The following WRAP73 variants were observed in gnomAD, a reference collection of about 807,000 sequenced individuals.
The protein encoded by WRAP73 is WD repeat containing, antisense to TP73, also known as WD repeat-containing protein WRAP73.
A neutral mutation model predicts 59.6 loss-of-function variants in WRAP73; 55 were observed. The observed-to-expected ratio is 0.92, with a 90% confidence interval of 0.74 to 1.15. The LOEUF is 1.15. WRAP73 is among the 50% of genes most tolerant of loss of function. WRAP73 has a pLI of 0.00. For missense variants in WRAP73, 592 were observed against 608.1 expected (o/e 0.97, Z 0.28); for synonymous variants, 265 against 258.2 (o/e 1.03, Z -0.25).
At chr1:3,638,123 C>T (rs1039844758) in intron 4 of WRAP73, among the ~76,000 whole-genome samples, 1 of 152,228 alleles carries the variant, frequency 6.6e-6, no homozygotes, top group Non-Finnish European at 1.5e-5. Flanking sequence ...AAGCATCATT[C>T]CAACTGTGTA....
chr1:3,630,826 C>T lies in WRAP73; in HGVS notation c.*149G>A. Reference sequence around the variant, plus strand: ...AATAAAACTACAGTTTTATACCATACATATTTACAAAAATGCTTTGCTATA... The same window carrying T: ...AATAAAACTACAGTTTTATACCATATATATTTACAAAAATGCTTTGCTATA... On this transcript the variant is annotated 3_prime_UTR_variant, in exon 12 of 12. Transcript: ENST00000270708. 1 of 971,820 alleles carries T rather than the reference C, an allele frequency of 1.0e-6. No individual in the cohort carries two copies. Among genetic ancestry groups the T allele is most frequent in the Non-Finnish European group, 1.5e-6 (1 of 657,184 alleles). The allele number at this position is 971,820 out of a possible 1,614,324, so 60.2% of individuals were successfully genotyped here. A position where few individuals can be genotyped will look rare whatever the true frequency, so the allele number is the denominator to read the frequency against.
At chr1:3,633,613 A>G (rs946924108) in intron 8 of WRAP73, 110 bp from the exon 9 acceptor site, 1 of 835,592 alleles carries the variant, frequency 1.2e-6, no homozygotes, top group Non-Finnish European at 1.8e-6. Flanking sequence ...GCCTGCCATG[A>G]CAGCTGGTCC....
At chr1:3,645,417 C>A (rs12043954) in intron 3 of WRAP73, among the ~76,000 whole-genome samples, 51 of 121,252 alleles carry the variant, frequency 4.2e-4, no homozygotes, top group African/African-American at 1.3e-3. Context: ...CCGTGGTGTG[C>A]GCGGCGCAGC....
chr1:3,634,655 C>T (rs947902057), intron 8 of WRAP73: 9 of 334,924 alleles, frequency 2.7e-5, no homozygotes, highest in Non-Finnish European at 4.6e-5. Context: ...GTGCCTGGCA[C>T]GACAGCAGAT....
At chr1:3,634,713 G>A (rs1644573066) in intron 8 of WRAP73, 1 of 463,784 alleles carries the variant, frequency 2.2e-6, no homozygotes, top group Admixed American at 3.4e-5. Flanking sequence ...TACAGCACAG[G>A]GATCTGCATC....
rs759992513 is a variant in WRAP73 at position 3,636,857 on chromosome 1, C to T, written c.516+138G>A. On this transcript the variant is annotated intron_variant, in intron 5 of 11. Coordinates refer to ENST00000270708, the MANE Select transcript of WRAP73 (RefSeq NM_017818.4). ...GGGTGCCACTGGAAGTGATTCGCAG[C>T]GCACCTGCCCTTTGTTAATACAACA... 4.3e-5 allele frequency: 39 copies of T among 905,362 alleles called. No homozygotes were observed. In the Middle Eastern group the frequency reaches 6.2e-4, roughly 14 times the overall value. 56.1% of individuals were successfully genotyped at this position (905,362 alleles called of 1,614,324 possible).
chr1:3,646,876 C>T lies in WRAP73; in HGVS notation c.223-94G>A, dbSNP rs146196163. On this transcript the variant is annotated intron_variant, in intron 2 of 11. Coordinates refer to ENST00000270708, the MANE Select transcript of WRAP73 (RefSeq NM_017818.4). This position sits in a 1 kb window ranked among gnomAD's most constrained non-coding sequence, Gnocchi z 5.1. ...CGCTTAAACGCAGCGGAGACCCGAC[C>T]GCACAGGGTGTCTTCAAACTCATCA... 388 of 1,039,336 alleles carry T rather than the reference C, an allele frequency of 3.7e-4. 1 individual carries two copies. The East Asian group carries it at 7.5e-3, about 20-fold the overall frequency. The allele number at this position is 1,039,336 out of a possible 1,614,324, so 64.4% of individuals were successfully genotyped here.
chr1:3,636,191 T>C (rs1644587806), intron 5 of WRAP73, 161 bp from the exon 6 acceptor site: 2 of 635,128 alleles, frequency 3.1e-6, no homozygotes, highest in Admixed American at 5.1e-5. Flanking sequence ...CCTGTAGAGC[T>C]GCTGCTGGGG....
intron 6 of WRAP73, 28 bp from the exon 7 acceptor site, chr1:3,635,322 TG>T: frequency 6.2e-7 from 1 of 1,612,822 alleles, no homozygotes; most frequent in Non-Finnish European, 8.5e-7. Context: ...CAGTTAATAA[TG>T]AATACACCCC....
rs1486247504 is a variant in WRAP73 at position 3,635,306 on chromosome 1, A to T, written c.604-12T>A. On this transcript the variant is annotated splice_polypyrimidine_tract_variant and intron_variant, in intron 6 of 11. Transcript: ENST00000270708. Reference sequence around the variant, plus strand: ...AGCAGAATCTTGTACTGCAGATGAGACATTTCAGTTAATAATGAATACACC... The same window carrying T: ...AGCAGAATCTTGTACTGCAGATGAGTCATTTCAGTTAATAATGAATACACC... 1.9e-6 allele frequency: 3 copies of T among 1,613,408 alleles called. No individual in the cohort carries two copies. The Admixed American group carries it at 5.0e-5, about 27-fold the overall frequency.
At chr1:3,647,308 A>T in intron 2 of WRAP73, 100 bp downstream of exon 2, 1 of 1,310,122 alleles carries the variant, frequency 7.6e-7, no homozygotes. Context: ...TTTGAGCTGC[A>T]CGGACTTTTT....
intron 3 of WRAP73, among the ~76,000 whole-genome samples, chr1:3,645,948 T>C (rs1181975995): frequency 3.9e-5 from 6 of 152,242 alleles, no homozygotes; most frequent in Admixed American, 3.3e-4. Flanking sequence ...TTTCTATCGT[T>C]GAATTAAAGG....
At chr1:3,633,582 C>T in intron 8 of WRAP73, 79 bp from the exon 9 acceptor site, 1 of 1,122,416 alleles carries the variant, frequency 8.9e-7, no homozygotes, top group Non-Finnish European at 1.3e-6. Flanking sequence ...ATGCCCATGA[C>T]AGCGCATGGT....
At chr1:3,634,895 G>T in intron 8 of WRAP73, 102 bp downstream of exon 8, 1 of 1,366,146 alleles carries the variant, frequency 7.3e-7, no homozygotes, top group Non-Finnish European at 1.0e-6. Flanking sequence ...GGAAGTGCCC[G>T]GTTAAATAAT....
chr1:3,645,965 C>T (rs1241637274), intron 3 of WRAP73, among the ~76,000 whole-genome samples: 2 of 152,126 alleles, frequency 1.3e-5, no homozygotes, highest in Admixed American at 1.3e-4. Flanking sequence ...AAGGGAGTGC[C>T]GAAATCCTAA....
intron 3 of WRAP73, among the ~76,000 whole-genome samples, chr1:3,642,322 T>A (rs1644653958): frequency 6.6e-6 from 1 of 152,202 alleles, no homozygotes; most frequent in South Asian, 2.1e-4. Context: ...CTCAATAATG[T>A]AGACAGTGTG....
chr1:3,640,804 G>A lies in WRAP73; in HGVS notation c.340-1982C>T, dbSNP rs552879736. 2.0e-5 allele frequency among the ~76,000 whole-genome samples: 3 copies of A among 152,368 alleles called. No homozygotes were observed. The East Asian group carries it at 5.8e-4, about 29-fold the overall frequency. On this transcript the variant is annotated intron_variant, in intron 3 of 11. Coordinates refer to ENST00000270708, the MANE Select transcript of WRAP73 (RefSeq NM_017818.4). ...GCGCCCGAGCCTCTCAGCATCAGGAGAGTCCATGTGCCACCCAGGGCAGAG... is the reference window on the plus strand; with the variant it reads ...GCGCCCGAGCCTCTCAGCATCAGGAAAGTCCATGTGCCACCCAGGGCAGAG...
chr1:3,647,637 G>A, intron 1 of WRAP73, 77 bp from the exon 2 acceptor site: 15 of 1,512,448 alleles, frequency 9.9e-6, no homozygotes, highest in Non-Finnish European at 1.3e-5. Context: ...TACTGCCCTG[G>A]CCTTCAGTGA....
chr1:3,649,599 G>T (rs1268280689), intron 1 of WRAP73, among the ~76,000 whole-genome samples: 1 of 150,484 alleles, frequency 6.6e-6, no homozygotes. Flanking sequence ...ACCTGCCGGG[G>T]TCCTGCACCT....
Sources: allele counts gnomAD v4.1 joint callset (sites outside exome capture counted in the v4.1 genomes callset), GRCh38; gene constraint gnomAD v4.1.1; non-coding constraint Gnocchi (gnomAD v3.1); transcripts MANE v1.5; gene names NCBI Gene and HGNC (gene_info 2026-07-23, HGNC 2026-07-21).